Variants in EYS observed in about 807,000 individuals in gnomAD.
The protein encoded by EYS is EGF-like photoreceptor maintenance factor, also known as protein eyes shut homolog.
A neutral mutation model predicts 282.1 loss-of-function variants in EYS; 250 were observed. That is an observed-to-expected ratio of 0.89 (90% CI 0.80 to 0.98). EYS has a LOEUF of 0.98. Among genes scored for constraint, EYS ranks in the 50% least tolerant of loss-of-function variants. EYS has a pLI of 0.00. For synonymous variants in EYS, 1,355 were observed against 1,282.9 expected (o/e 1.06, Z -1.20); for missense variants, 4,016 against 3,709.0 (o/e 1.08, Z -2.15).
At chr6:63,900,341 C>T (rs569644852) in intron 35 of EYS, among the ~76,000 whole-genome samples, 2 of 152,294 alleles carry the variant, frequency 1.3e-5, no homozygotes, top group Admixed American at 6.5e-5. Context: ...TAATAACCCT[C>T]ATTATCTACC....
chr6:65,223,082 G>A (rs918302303), intron 12 of EYS, among the ~76,000 whole-genome samples: 1 of 152,068 alleles, frequency 6.6e-6, no homozygotes. Context: ...AACAAAACCT[G>A]TCAGAATCAA....
chr6:64,603,137 G>A (rs1766814236), intron 24 of EYS, among the ~76,000 whole-genome samples: 1 of 151,964 alleles, frequency 6.6e-6, no homozygotes, highest in Non-Finnish European at 1.5e-5. Flanking sequence ...GGTAGCTCTG[G>A]CCCTTTTTGG....
At chr6:65,137,799 C>G (rs1189371123) in intron 12 of EYS, among the ~76,000 whole-genome samples, 1 of 151,952 alleles carries the variant, frequency 6.6e-6, no homozygotes, top group Non-Finnish European at 1.5e-5. Context: ...GTTTACAAAA[C>G]TAAACCATAT....
intron 22 of EYS, among the ~76,000 whole-genome samples, chr6:64,735,023 T>C (rs1016486018): frequency 2.0e-5 from 3 of 152,174 alleles, no homozygotes; most frequent in Admixed American, 6.6e-5. Context: ...ATGCACTATA[T>C]TATAAGACTG....
intron 22 of EYS, among the ~76,000 whole-genome samples, chr6:64,627,550 T>C (rs948162474): frequency 1.3e-5 from 2 of 152,194 alleles, no homozygotes; most frequent in Non-Finnish European, 2.9e-5. Context: ...ACAAGCAAAT[T>C]TGCAAAAGTA....
rs376073878 is a variant in EYS, at chr6:64,958,239, G to A, written c.2260-12325C>T. On this transcript the variant is annotated intron_variant, in intron 14 of 42. Transcript: ENST00000503581. ...ATGTATATAACATCAAATTTTGGCT[G>A]GGTGCGGTGGCTCAGGCCTCTAATC... 3.9e-5 allele frequency among the ~76,000 whole-genome samples: 6 copies of A among 152,084 alleles called. No homozygotes were observed. The East Asian group carries it at 1.2e-3, about 29-fold the overall frequency.
At chr6:64,713,713 C>A (rs1019921543) in intron 22 of EYS, among the ~76,000 whole-genome samples, 1 of 152,110 alleles carries the variant, frequency 6.6e-6, no homozygotes, top group Admixed American at 6.5e-5. Context: ...AATGACAATT[C>A]TTGGAATTTC....
At chr6:65,668,266 C>T (rs965323451) in intron 1 of EYS, among the ~76,000 whole-genome samples, 4 of 151,782 alleles carry the variant, frequency 2.6e-5, no homozygotes, top group Admixed American at 6.6e-5. Flanking sequence ...TTTAAAAGTA[C>T]CCTAAAATCA....
intron 41 of EYS, among the ~76,000 whole-genome samples, chr6:63,738,445 G>A (rs1301649437): frequency 1.3e-5 from 2 of 151,770 alleles, no homozygotes; most frequent in Non-Finnish European, 2.9e-5. Flanking sequence ...TAGGGACATG[G>A]ATGAAATTGG....
chr6:64,496,877 C>A (rs2150509314), intron 26 of EYS, among the ~76,000 whole-genome samples: 1 of 152,102 alleles, frequency 6.6e-6, no homozygotes, highest in African/African-American at 2.4e-5. Flanking sequence ...CTCTATTTTA[C>A]AAATTATAAA....
intron 26 of EYS, among the ~76,000 whole-genome samples, chr6:64,509,421 T>C (rs1284646781): frequency 1.3e-5 from 2 of 152,188 alleles, no homozygotes; most frequent in East Asian, 3.9e-4. Flanking sequence ...ACTCCACCAC[T>C]GCTTCTGTGA....
intron 31 of EYS, among the ~76,000 whole-genome samples, chr6:64,168,245 A>G (rs1408048267): frequency 2.6e-5 from 4 of 151,782 alleles, no homozygotes; most frequent in African/African-American, 9.7e-5. Flanking sequence ...TGGGCGACAG[A>G]GCGAAACTCC....
intron 5 of EYS, among the ~76,000 whole-genome samples, chr6:65,435,441 T>C (rs1768039113): frequency 6.6e-6 from 1 of 151,288 alleles, no homozygotes; most frequent in Admixed American, 6.6e-5. Context: ...GATGTCTTTT[T>C]ATGGGCTGAT....
intron 39 of EYS, 130 bp downstream of exon 39, chr6:63,787,975 T>G (rs1770408751): frequency 1.5e-6 from 1 of 666,592 alleles, no homozygotes. Context: ...CTGATTAAAA[T>G]CAAACTTTGT....
intron 35 of EYS, among the ~76,000 whole-genome samples, chr6:63,908,009 A>G (rs12215183): frequency 5.6e-5 from 1 of 17,808 alleles, no homozygotes; most frequent in African/African-American, 2.6e-4. Flanking sequence ...CACACACACA[A>G]ACGTATATAT....
intron 19 of EYS, among the ~76,000 whole-genome samples, chr6:64,883,831 C>A (rs1766999447): frequency 8.5e-6 from 1 of 117,476 alleles, no homozygotes; most frequent in Non-Finnish European, 1.8e-5. Flanking sequence ...CTCACTACCA[C>A]TACGTGTGTA....
intron 26 of EYS, among the ~76,000 whole-genome samples, chr6:64,559,366 T>G (rs1765330180): frequency 6.6e-6 from 1 of 151,576 alleles, no homozygotes; most frequent in South Asian, 2.1e-4. Flanking sequence ...GGATCATAGC[T>G]CACTGCAGTT....
intron 1 of EYS, among the ~76,000 whole-genome samples, chr6:65,698,755 T>C (rs1438316543): frequency 6.6e-6 from 1 of 152,164 alleles, no homozygotes; most frequent in African/African-American, 2.4e-5. Context: ...CATATACCTT[T>C]CCTTACTAAA....
At position 65,335,035 on chromosome 6, in the gene EYS, G is replaced by A. The variant is rs765886997; in HGVS notation, c.1711C>T (p.Gln571Ter). 6.2e-7 allele frequency: 1 copy of A among 1,611,038 alleles called. No homozygotes were observed. Among genetic ancestry groups the A allele is most frequent in the South Asian group, 1.1e-5 (1 of 91,016 alleles). The change falls in exon 11 of 43, where the codon CAA becomes TAA. Residue 571 changes from glutamine (Q) to a stop codon, truncating the protein, a stop_gained. Transcript: ENST00000503581. LOFTEE classifies it high-confidence loss of function. ...GCTTCATGTTGACACTCATTTTCTT[G>A]ATCATCAGTTGTATTTTCCAGATAC... is the stretch of plus-strand genomic sequence containing the variant. ...NMYLENTTDDQENECQHEAVC... is the reference protein window; with the variant it reads ...NMYLENTTDD
Sources: gnomAD v4.1 joint callset for allele counts (sites outside exome capture counted in the v4.1 genomes callset) on GRCh38, gnomAD v4.1.1 for gene constraint, MANE v1.5 for transcripts, NCBI Gene and HGNC (gene_info 2026-07-23, HGNC 2026-07-21) for gene names.